The following LOC400499 variants were observed in gnomAD, a reference collection of about 807,000 sequenced individuals.
At chr16:11,447,925 C>T in the LOC400499 span, 27 of 1,532,564 alleles carry the variant, frequency 1.8e-5, no homozygotes, top group African/African-American at 6.9e-5. Flanking sequence ...GCAGAAGGGG[C>T]GCACATACCT....
At chr16:11,502,194 G>A in the LOC400499 span, 1 of 399,072 alleles carries the variant, frequency 2.5e-6, no homozygotes, top group East Asian at 3.6e-5. Context: ...CGATTCAGAG[G>A]GGGCAGCATG....
At chr16:11,393,625 C>A in the LOC400499 span, 1 of 1,205,990 alleles carries the variant, frequency 8.3e-7, no homozygotes, top group Non-Finnish European at 1.0e-6. Flanking sequence ...CTCCCCTGCC[C>A]GCCCCAGGCT....
At chr16:11,486,399 A>G in the LOC400499 span, among the ~76,000 whole-genome samples, 25 of 111,298 alleles carry the variant, frequency 2.2e-4, no homozygotes, top group Non-Finnish European at 3.6e-5. Flanking sequence ...TGGTAAATGG[A>G]TTGAGTGAAT....
At chr16:11,399,381 C>T in the LOC400499 span, 1 of 664,752 alleles carries the variant, frequency 1.5e-6, no homozygotes, top group South Asian at 7.8e-5. Flanking sequence ...GCACTGGAAC[C>T]CAGGACCACG....
the LOC400499 span, chr16:11,460,495 G>A: frequency 5.2e-6 from 8 of 1,530,792 alleles, no homozygotes; most frequent in Non-Finnish European, 6.1e-6. Flanking sequence ...TGAAGGCTAG[G>A]ATCTGTGTGC....
the LOC400499 span, chr16:11,383,899 T>TCCCTCAAGCTGGAGTGGGGG: frequency 1.6e-6 from 2 of 1,231,942 alleles, no homozygotes; most frequent in Non-Finnish European, 2.0e-6. Context: ...CCGGAAGCAG[T>TCCCTCAAGCTGGAGTGGGGG]CCCTCAAGCT....
At chr16:11,493,770 G>A in the LOC400499 span, 1 of 391,830 alleles carries the variant, frequency 2.6e-6, no homozygotes. Context: ...AGCCCGCGTT[G>A]CCGACTGCCT....
At chr16:11,431,067 T>C in the LOC400499 span, 1 of 399,048 alleles carries the variant, frequency 2.5e-6, no homozygotes, top group Non-Finnish European at 4.4e-6. Context: ...GCTTCAGCCT[T>C]CCTGTGAGTG....
At chr16:11,446,974 T>C in the LOC400499 span, 8 of 1,485,156 alleles carry the variant, frequency 5.4e-6, no homozygotes, top group Non-Finnish European at 7.1e-6. Context: ...AGGGGACAAT[T>C]GTGCCCCACG....
At chr16:11,412,510 C>T in the LOC400499 span, among the ~76,000 whole-genome samples, 1 of 152,204 alleles carries the variant, frequency 6.6e-6, no homozygotes, top group Non-Finnish European at 1.5e-5. Context: ...GGCTGGTGGC[C>T]CCTGACTTAC....
chr16:11,382,814 G>GA, the LOC400499 span, among the ~76,000 whole-genome samples: 1 of 152,172 alleles, frequency 6.6e-6, no homozygotes, highest in East Asian at 1.9e-4. Flanking sequence ...TCCCAAAAAA[G>GA]AAAAAACCTA....
At chr16:11,494,317 C>CCCCCTTCA in the LOC400499 span, among the ~76,000 whole-genome samples, 1 of 148,394 alleles carries the variant, frequency 6.7e-6, no homozygotes, top group Non-Finnish European at 1.5e-5. Flanking sequence ...TTCCCCCTTC[C>CCCCCTTCA]CCCCTTCACC....
the LOC400499 span, among the ~76,000 whole-genome samples, chr16:11,386,858 C>T: frequency 2.0e-5 from 3 of 152,254 alleles, no homozygotes; most frequent in African/African-American, 7.2e-5. Context: ...CTGCCGTCTT[C>T]TCCAGCAGTG....
At chr16:11,517,425 G>A in the LOC400499 span, among the ~76,000 whole-genome samples, 1 of 152,154 alleles carries the variant, frequency 6.6e-6, no homozygotes. Context: ...GGTAGAGGGA[G>A]TCTTTCCCTC....
chr16:11,480,538 T>G, the LOC400499 span, among the ~76,000 whole-genome samples: 3 of 152,332 alleles, frequency 2.0e-5, no homozygotes, highest in South Asian at 2.1e-4. Context: ...AAAATGGTTA[T>G]GTAAACTGTG....
chr16:11,425,921 C>G, the LOC400499 span, among the ~76,000 whole-genome samples: 1 of 152,088 alleles, frequency 6.6e-6, no homozygotes, highest in Non-Finnish European at 1.5e-5. Flanking sequence ...CCCAATAGAG[C>G]TATGAACACA....
At chr16:11,456,192 C>A in the LOC400499 span, among the ~76,000 whole-genome samples, 1 of 152,044 alleles carries the variant, frequency 6.6e-6, no homozygotes, top group Non-Finnish European at 1.5e-5. Flanking sequence ...TTACAGGTGC[C>A]TGCCACCACA....
the LOC400499 span, chr16:11,425,196 C>T: frequency 0.026 from 10,234 of 399,048 alleles, 182 homozygotes; most frequent in Non-Finnish European, 0.032. Context: ...GCCCCAGGAG[C>T]AGGCGCCACC....
chr16:11,396,018 A>G, the LOC400499 span, among the ~76,000 whole-genome samples: 1 of 152,168 alleles, frequency 6.6e-6, no homozygotes, highest in Non-Finnish European at 1.5e-5. Context: ...GGGAGTAAGG[A>G]GGGGGAGGAG....
Sources: allele counts gnomAD v4.1 joint callset (sites outside exome capture counted in the v4.1 genomes callset), GRCh38; gene constraint gnomAD v4.1.1; transcripts MANE v1.5.